SPTBN1: variants seen among roughly 807,000 people sequenced by gnomAD.
SPTBN1 encodes the protein spectrin beta chain, non-erythrocytic 1.
In SPTBN1, 32 loss-of-function variants were observed where a neutral mutation model predicts 266.4. That is an observed-to-expected ratio of 0.12 (90% CI 0.09 to 0.16). The LOEUF (loss-of-function observed/expected upper bound fraction) is 0.16. Ranked by LOEUF, SPTBN1 falls within the 10% of genes least tolerant of loss-of-function variation. The pLI, the probability that SPTBN1 is intolerant of heterozygous loss-of-function variation, is 1.00. For synonymous variants in SPTBN1, 1,336 were observed against 1,162.2 expected (o/e 1.15, Z -3.04); for missense variants, 2,296 against 3,067.1 (o/e 0.75, Z 5.94).
At chr2:54,661,045 A>G (rs764881093) in intron 32 of SPTBN1, 51 of 985,274 alleles carry the variant, frequency 5.2e-5, no homozygotes, top group Admixed American at 6.2e-5. Flanking sequence ...GAGCGCTCGC[A>G]TGCCCCCTGG....
Position 54,632,709 on chromosome 2 carries a change from G to A in SPTBN1, c.3708G>A (p.Val1236=). ...NAVVETGRRL[V]SDGNINSDRI... ...TGGTGGAGACTGGCCGGAGGCTGGT[G>A]AGCGATGGGAACATCAACTCAGATC... Residue 1236 remains valine, a synonymous_variant, in exon 17 of 36, where the codon GTG becomes GTA. Transcript: ENST00000356805. The A allele has an allele frequency of 6.2e-7, 1 of 1,614,212 alleles. No individual in the cohort carries two copies. Among genetic ancestry groups the A allele is most frequent in the Non-Finnish European group, 8.5e-7 (1 of 1,180,030 alleles).
intron 1 of SPTBN1, among the ~76,000 whole-genome samples, chr2:54,505,757 C>T (rs1314998841): frequency 7.9e-5 from 12 of 152,200 alleles, no homozygotes. Context: ...TCTGCTGTTG[C>T]TTCACATTGA....
intron 1 of SPTBN1, among the ~76,000 whole-genome samples, chr2:54,506,210 C>T (rs1669547346): frequency 6.6e-6 from 1 of 152,138 alleles, no homozygotes; most frequent in African/African-American, 2.4e-5. Context: ...TGAATCCTCT[C>T]TTGGCCCTGG....
chr2:54,498,687 T>C (rs6742607), intron 1 of SPTBN1, among the ~76,000 whole-genome samples: 119,138 of 152,196 alleles, frequency 0.78, 47,015 homozygotes, highest in African/African-American at 0.89. Context: ...ACTATATTTT[T>C]TTTCAAGAAG....
chr2:54,482,889 C>T (rs1331978177), intron 1 of SPTBN1, among the ~76,000 whole-genome samples: 1 of 152,160 alleles, frequency 6.6e-6, no homozygotes, highest in Non-Finnish European at 1.5e-5. Flanking sequence ...TTTTAAGCAG[C>T]CTTTTTCTCA....
chr2:54,574,488 C>T (rs1449757648), intron 2 of SPTBN1, among the ~76,000 whole-genome samples: 2 of 152,344 alleles, frequency 1.3e-5, no homozygotes, highest in Admixed American at 1.3e-4. Flanking sequence ...TTAGCCCTAG[C>T]TGCGCAGAAA....
intron 3 of SPTBN1, among the ~76,000 whole-genome samples, chr2:54,609,724 C>T (rs1267306123): frequency 2.0e-5 from 3 of 152,086 alleles, no homozygotes; most frequent in African/African-American, 4.8e-5. Flanking sequence ...TTATCCAATA[C>T]CAAAAGAACT....
At chr2:54,568,893 C>A (rs1294176513) in intron 2 of SPTBN1, among the ~76,000 whole-genome samples, 1 of 152,224 alleles carries the variant, frequency 6.6e-6, no homozygotes, top group African/African-American at 2.4e-5. Context: ...AGCCACACTT[C>A]ATCTTAGTAG....
intron 30 of SPTBN1, 31 bp from the exon 31 acceptor site, chr2:54,659,123 C>G (rs780781707): frequency 1.2e-6 from 2 of 1,609,590 alleles, no homozygotes; most frequent in African/African-American, 1.3e-5. Flanking sequence ...GAGTTTGGGA[C>G]TCTACCAAAC....
chr2:54,495,671 ATG>A (rs1427092548), intron 1 of SPTBN1, among the ~76,000 whole-genome samples: 1 of 151,270 alleles, frequency 6.6e-6, no homozygotes, highest in Non-Finnish European at 1.5e-5. Flanking sequence ...CATAATTTGC[ATG>A]TGTTTTTACC....
At chr2:54,581,377 GAC>G (rs1191278101) in intron 2 of SPTBN1, among the ~76,000 whole-genome samples, 3 of 152,120 alleles carry the variant, frequency 2.0e-5, no homozygotes, top group African/African-American at 7.2e-5. Flanking sequence ...TCGTCCGTGA[GAC>G]ACAAGATGTT....
chr2:54,665,309 G>A (rs180847355), intron 33 of SPTBN1, among the ~76,000 whole-genome samples: 2 of 152,312 alleles, frequency 1.3e-5, no homozygotes, highest in East Asian at 1.9e-4. Flanking sequence ...TGCCATTCAC[G>A]TTGAGGACAA....
chr2:54,530,353 CTTTTTTTT>C (rs549491367), intron 2 of SPTBN1, among the ~76,000 whole-genome samples: 2,483 of 74,034 alleles, frequency 0.034, 164 homozygotes, highest in African/African-American at 0.12. Flanking sequence ...TTGTAAAAAA[CTTTTTTTT>C]TTTTTTTTTT....
intron 2 of SPTBN1, chr2:54,528,399 C>T (rs1233979142): frequency 6.6e-6 from 1 of 152,532 alleles, no homozygotes; most frequent in Non-Finnish European, 1.5e-5. Context: ...CCTTAGTATC[C>T]ATCATTTGTC....
chr2:54,602,322 T>G (rs1676549141), intron 3 of SPTBN1, among the ~76,000 whole-genome samples: 1 of 152,058 alleles, frequency 6.6e-6, no homozygotes, highest in East Asian at 1.9e-4. Flanking sequence ...AGGACCAGAG[T>G]AGAATGAGGC....
chr2:54,479,462 C>T (rs543863212), intron 1 of SPTBN1, among the ~76,000 whole-genome samples: 1 of 152,334 alleles, frequency 6.6e-6, no homozygotes, highest in African/African-American at 2.4e-5. Flanking sequence ...CTGCTGGTTA[C>T]TGACTGTGGT....
chr2:54,592,415 G>T (rs571407936), intron 2 of SPTBN1, among the ~76,000 whole-genome samples: 20 of 138,876 alleles, frequency 1.4e-4, no homozygotes, highest in African/African-American at 4.8e-4. Flanking sequence ...ACAGAGTTTT[G>T]CTCCTGTTGC....
intron 2 of SPTBN1, among the ~76,000 whole-genome samples, chr2:54,590,976 C>A (rs1419498115): frequency 6.6e-6 from 1 of 152,200 alleles, no homozygotes; most frequent in African/African-American, 2.4e-5. Flanking sequence ...AGGCCCAAGG[C>A]AGGGGAGTTC....
At chr2:54,492,686 T>G (rs914748817) in intron 1 of SPTBN1, among the ~76,000 whole-genome samples, 7 of 152,220 alleles carry the variant, frequency 4.6e-5, no homozygotes, top group African/African-American at 1.4e-4. Flanking sequence ...TGAGGACACA[T>G]GGACACGTCT....
Sources: gnomAD v4.1 joint callset for allele counts (sites outside exome capture counted in the v4.1 genomes callset) on GRCh38, gnomAD v4.1.1 for gene constraint, MANE v1.5 for transcripts, NCBI Gene and HGNC (gene_info 2026-07-23, HGNC 2026-07-21) for gene names.